The following SUSD6 variants were observed in gnomAD, a reference collection of about 807,000 sequenced individuals.
The protein encoded by SUSD6 is sushi domain containing 6.
A neutral mutation model predicts 28.4 loss-of-function variants in SUSD6; 16 were observed. The ratio of observed to expected loss-of-function variants is 0.56; its 90% CI spans 0.38 to 0.86. The LOEUF (loss-of-function observed/expected upper bound fraction) is 0.86. SUSD6 is among the 40% of genes least tolerant of loss of function. The pLI is 0.00. For synonymous variants in SUSD6, 147 were observed against 159.6 expected (o/e 0.92, Z 0.59); for missense variants, 341 against 384.2 (o/e 0.89, Z 0.94).
chr14:69,625,626 A>G (rs1885103213), intron 1 of SUSD6, among the ~76,000 whole-genome samples: 1 of 152,174 alleles, frequency 6.6e-6, no homozygotes, highest in Non-Finnish European at 1.5e-5. Flanking sequence ...TGTGGGGCTG[A>G]GTGAGTGAGA....
chr14:69,645,371 C>G (rs923454524), intron 1 of SUSD6, among the ~76,000 whole-genome samples: 1 of 152,170 alleles, frequency 6.6e-6, no homozygotes, highest in Non-Finnish European at 1.5e-5. Context: ...TTGGCCCTGC[C>G]ACTAGGCTAT....
intron 1 of SUSD6, among the ~76,000 whole-genome samples, chr14:69,643,371 A>G (rs1379030710): frequency 1.3e-5 from 2 of 152,200 alleles, no homozygotes; most frequent in Non-Finnish European, 2.9e-5. Context: ...CAGTTTGCCA[A>G]ATATTTATCT....
At chr14:69,679,415 T>G (rs1885965386) in intron 2 of SUSD6, among the ~76,000 whole-genome samples, 3 of 152,182 alleles carry the variant, frequency 2.0e-5, no homozygotes, top group Non-Finnish European at 1.5e-5. Context: ...TTTAGTTCTA[T>G]TTTCAAATAT....
chr14:69,711,348 T>C lies in SUSD6; in HGVS notation c.*369T>C. 3.4e-6 allele frequency: 1 copy of C among 298,044 alleles called. No individual in the cohort carries two copies. The highest frequency in any genetic ancestry group is 6.4e-6 in the Non-Finnish European group (1 of 156,078). 18.5% of individuals were successfully genotyped at this position (298,044 alleles called of 1,614,324 possible). A position where few individuals can be genotyped will look rare whatever the true frequency, so the allele number is the denominator to read the frequency against. Reference sequence around the variant, plus strand: ...TGGGCCTGAGTGCTGCTGTGTTTACTTGTGCCTTTCCCCCACCCTGTCCAG... The same window carrying C: ...TGGGCCTGAGTGCTGCTGTGTTTACCTGTGCCTTTCCCCCACCCTGTCCAG... On this transcript the variant is annotated 3_prime_UTR_variant, in exon 6 of 6. Transcript: ENST00000342745.
At chr14:69,664,009 C>T (rs1885701457) in intron 2 of SUSD6, among the ~76,000 whole-genome samples, 3 of 150,626 alleles carry the variant, frequency 2.0e-5, no homozygotes, top group Admixed American at 1.3e-4. Flanking sequence ...GATGGAATCT[C>T]ACTGTGTTGC....
intron 2 of SUSD6, among the ~76,000 whole-genome samples, chr14:69,691,886 A>G (rs1886157730): frequency 6.6e-6 from 1 of 152,120 alleles, no homozygotes; most frequent in South Asian, 2.1e-4. Context: ...CGAAAATACA[A>G]AAATTAGCCC....
intron 2 of SUSD6, among the ~76,000 whole-genome samples, chr14:69,664,875 A>T (rs1885716144): frequency 6.6e-6 from 1 of 152,144 alleles, no homozygotes; most frequent in South Asian, 2.1e-4. Context: ...TAGGGTTAAC[A>T]CTCAGTCTTC....
At chr14:69,655,245 T>C (rs1055391452) in intron 1 of SUSD6, among the ~76,000 whole-genome samples, 2 of 152,224 alleles carry the variant, frequency 1.3e-5, no homozygotes, top group African/African-American at 4.8e-5. Flanking sequence ...ACAGGTTGAA[T>C]TGCCCTGTTC....
At chr14:69,684,116 T>TG (rs1886037053) in intron 2 of SUSD6, among the ~76,000 whole-genome samples, 1 of 152,170 alleles carries the variant, frequency 6.6e-6, no homozygotes, top group Non-Finnish European at 1.5e-5. Context: ...GCGGACCCAG[T>TG]GGGGTCAAGC....
intron 1 of SUSD6, among the ~76,000 whole-genome samples, chr14:69,654,864 G>A (rs376603492): frequency 2.1e-5 from 3 of 141,538 alleles, no homozygotes; most frequent in Admixed American, 7.6e-5. Context: ...GCACAATATC[G>A]GCTCACCACA....
intron 2 of SUSD6, among the ~76,000 whole-genome samples, chr14:69,668,872 T>C (rs1186863400): frequency 6.6e-6 from 1 of 151,800 alleles, no homozygotes; most frequent in Non-Finnish European, 1.5e-5. Flanking sequence ...TCCCTTTCGT[T>C]CTCATTCTCA....
At position 69,704,618 on chromosome 14, in the gene SUSD6, A is replaced by ACATCACTTGGGGTCCCCACG; in HGVS notation, c.336_355dup (p.Leu119HisfsTer10). 1 of 1,613,398 alleles carries ACATCACTTGGGGTCCCCACG rather than the reference A, an allele frequency of 6.2e-7. No individual in the cohort carries two copies. Among genetic ancestry groups the ACATCACTTGGGGTCCCCACG allele is most frequent in the Non-Finnish European group, 8.5e-7 (1 of 1,179,768 alleles). ...TGTTTTTATAGATAAAGACACCCAC[A>ACATCACTTGGGGTCCCCACG]CATCACTTGGGGTCCCCACGCTGTC... On this transcript the variant is annotated frameshift_variant, in exon 4 of 6. Coordinates refer to ENST00000342745, the MANE Select transcript of SUSD6 (RefSeq NM_014734.4). LOFTEE classifies it high-confidence loss of function.
intron 4 of SUSD6, among the ~76,000 whole-genome samples, chr14:69,706,293 G>A (rs1012091509): frequency 6.6e-6 from 1 of 152,130 alleles, no homozygotes; most frequent in Non-Finnish European, 1.5e-5. Flanking sequence ...TAACTTGTAA[G>A]TTTGTTAAAA....
At chr14:69,702,840 C>T (rs1425774240) in intron 2 of SUSD6, among the ~76,000 whole-genome samples, 3 of 152,122 alleles carry the variant, frequency 2.0e-5, no homozygotes, top group Admixed American at 2.0e-4. Flanking sequence ...TGGAATTTAT[C>T]ATGGGATAGA....
Position 69,704,663 on chromosome 14 carries a change from A to G in SUSD6, c.379A>G (p.Ser127Gly). The G allele has an allele frequency of 6.2e-7, 1 of 1,614,200 alleles. No homozygotes were observed. The highest frequency in any genetic ancestry group is 8.5e-7 in the Non-Finnish European group (1 of 1,180,012). Reference protein sequence around the residue: ...PTLSIVASTASSVALILLLVV... With the variant: ...PTLSIVASTAGSVALILLLVV... ...GCTGTCTATAGTGGCTTCTACTGCC[A>G]GCTCCGTGGCGCTCATTCTCCTCCT... The change falls in exon 4 of 6, where the codon AGC becomes GGC. Residue 127 changes from serine to glycine, a missense_variant. Physicochemically the swap from Ser to Gly is moderately conservative, Grantham distance 56 (BLOSUM62 0). Coordinates refer to ENST00000342745, the MANE Select transcript of SUSD6 (RefSeq NM_014734.4).
intron 2 of SUSD6, among the ~76,000 whole-genome samples, chr14:69,696,145 G>A (rs1886222276): frequency 2.0e-5 from 3 of 152,218 alleles, no homozygotes; most frequent in Admixed American, 2.0e-4. Flanking sequence ...CCCTCAGCAG[G>A]CCCCGGCTTA....
chr14:69,630,804 C>T (rs1003622443), intron 1 of SUSD6, among the ~76,000 whole-genome samples: 4 of 152,154 alleles, frequency 2.6e-5, no homozygotes, highest in African/African-American at 9.7e-5. Context: ...AAAAATCTAG[C>T]TCATTTTTTG....
At chr14:69,627,019 C>G (rs1885124677) in intron 1 of SUSD6, among the ~76,000 whole-genome samples, 1 of 152,064 alleles carries the variant, frequency 6.6e-6, no homozygotes, top group African/African-American at 2.4e-5. Flanking sequence ...GCTCTGACTC[C>G]CACTAGCTTG....
At chr14:69,636,269 G>T (rs1322651819) in intron 1 of SUSD6, among the ~76,000 whole-genome samples, 3 of 152,198 alleles carry the variant, frequency 2.0e-5, no homozygotes, top group Admixed American at 2.0e-4. Context: ...AGGCATAGAC[G>T]GAGGTGACAG....
Sources: allele counts gnomAD v4.1 joint callset (sites outside exome capture counted in the v4.1 genomes callset), GRCh38; gene constraint gnomAD v4.1.1; transcripts MANE v1.5; gene names NCBI Gene and HGNC (gene_info 2026-07-23, HGNC 2026-07-21).